Variants in INTS6 observed in about 807,000 individuals in gnomAD.
The protein encoded by INTS6 is DEAD box protein.
A neutral mutation model predicts 104.9 loss-of-function variants in INTS6; 16 were observed. The ratio of observed to expected loss-of-function variants is 0.15; its 90% CI spans 0.10 to 0.23. INTS6 has a LOEUF of 0.23. Ranked by LOEUF, INTS6 falls within the 10% of genes least tolerant of loss-of-function variation. INTS6 has a pLI of 1.00. For synonymous variants in INTS6, 324 were observed against 358.7 expected, an observed-to-expected ratio of 0.90 and a Z score of 1.09; for missense variants, 584 against 1,062.8, an observed-to-expected ratio of 0.55 and a Z score of 6.26.
At chr13:51,348,404 C>T in the INTS6 span, 1 of 1,613,276 alleles carries the variant, frequency 6.2e-7, no homozygotes, top group East Asian at 2.2e-5. Context: ...GGATGTGTTC[C>T]TGCCCAGGTG....
intron 7 of INTS6, 152 bp from the exon 8 acceptor site, chr13:51,383,893 T>C: frequency 2.0e-6 from 1 of 497,540 alleles, no homozygotes; most frequent in Non-Finnish European, 3.5e-6. Flanking sequence ...AGGAAACACT[T>C]GAAAATGTAA....
intron 4 of INTS6, among the ~76,000 whole-genome samples, chr13:51,405,910 T>C (rs550529729): frequency 1.8e-4 from 27 of 152,306 alleles, no homozygotes; most frequent in African/African-American, 6.5e-4. Context: ...GGATGACTTG[T>C]TACACAGCAG....
chr13:51,375,917 A>G, intron 13 of INTS6, 131 bp downstream of exon 13: 2 of 702,802 alleles, frequency 2.8e-6, no homozygotes, highest in Non-Finnish European at 4.2e-6. Flanking sequence ...CTTTTACTTC[A>G]TTTGTTTGAA....
chr13:51,363,548 A>G lies in INTS6; in HGVS notation c.*2204T>C, dbSNP rs1955625778. On this transcript the variant is annotated 3_prime_UTR_variant, in exon 18 of 18. Coordinates refer to ENST00000311234, the MANE Select transcript of INTS6 (RefSeq NM_012141.3). Reference sequence around the variant, plus strand: ...AACCTCAAGATTAAACTTTCCAAGAATATCATTTGTCGAGCCTTAAGTCAT... The same window carrying G: ...AACCTCAAGATTAAACTTTCCAAGAGTATCATTTGTCGAGCCTTAAGTCAT... 1 of 152,028 alleles carries G rather than the reference A, an allele frequency of 6.6e-6. No individual in the cohort carries two copies. The highest frequency in any genetic ancestry group is 2.4e-5 in the African/African-American group (1 of 41,420). 9.4% of individuals were successfully genotyped at this position (152,028 alleles called of 1,614,324 possible).
intron 10 of INTS6, 113 bp from the exon 11 acceptor site, chr13:51,379,685 A>G: frequency 1.9e-6 from 1 of 513,510 alleles, no homozygotes; most frequent in Non-Finnish European, 3.4e-6. Context: ...TCTTTTCCTC[A>G]ATAAGGAAGT....
chr13:51,368,014 T>G, intron 16 of INTS6, 116 bp from the exon 17 acceptor site: 1 of 534,602 alleles, frequency 1.9e-6, no homozygotes, highest in Non-Finnish European at 3.2e-6. Flanking sequence ...ACATTCTACA[T>G]AAAAATTTCA....
In INTS6 at chr13:51,444,252, A is replaced by ATTTTTTTT. The variant is rs57566246; in HGVS notation, c.339+6765_339+6772dup. The stretch of plus-strand genomic sequence containing the variant: ...GGCACATGCCACCACCCCCCAGCTA[A>ATTTTTTTT]TTTTTTTTTTTTTTTTTTTTTTTTT... On this transcript the variant is annotated intron_variant, in intron 3 of 17. Coordinates refer to ENST00000311234, the MANE Select transcript of INTS6 (RefSeq NM_012141.3). The ATTTTTTTT allele has an allele frequency of 1.7e-3, 90 of 54,416 alleles. 1 individual carries two copies. The highest frequency in any genetic ancestry group is 8.0e-3 in the African/African-American group (86 of 10,688). 3.4% of individuals were successfully genotyped at this position (54,416 alleles called of 1,614,324 possible). A position where few individuals can be genotyped will look rare whatever the true frequency, so the allele number is the denominator to read the frequency against.
rs531739909 is a variant in INTS6, at chr13:51,367,904, A to G, written c.2477-6T>C. 13 of 1,520,556 alleles carry G rather than the reference A, an allele frequency of 8.5e-6. No individual in the cohort carries two copies. In the African/African-American group the frequency reaches 1.0e-4, roughly 12 times the overall value. The allele number at this position is 1,520,556 out of a possible 1,614,324, so 94.2% of individuals were successfully genotyped here. A position where few individuals can be genotyped will look rare whatever the true frequency, so the allele number is the denominator to read the frequency against. ...AGTGAAGATTCTTTCATATTCTTAA[A>G]GCAAAAGAAACAAAAAGAAAAATTA... On this transcript the variant is annotated splice_polypyrimidine_tract_variant and splice_region_variant and intron_variant, in intron 16 of 17. Coordinates refer to ENST00000311234, the MANE Select transcript of INTS6 (RefSeq NM_012141.3).
downstream of INTS6, among the ~76,000 whole-genome samples, chr13:51,351,740 A>G (rs1955405193): frequency 6.6e-6 from 1 of 152,002 alleles, no homozygotes; most frequent in Non-Finnish European, 1.5e-5. Flanking sequence ...ATTTAGGTGT[A>G]TGTTTTTTTT....
downstream of INTS6, among the ~76,000 whole-genome samples, chr13:51,358,155 T>G (rs1955510113): frequency 6.6e-6 from 1 of 152,094 alleles, no homozygotes; most frequent in Non-Finnish European, 1.5e-5. Flanking sequence ...CCGGGTGCTA[T>G]GTGTTTCTCT....
intron 14 of INTS6, 28 bp downstream of exon 14, chr13:51,374,626 A>C: frequency 6.2e-7 from 1 of 1,609,924 alleles, no homozygotes. Flanking sequence ...CCATAAACAA[A>C]TTACATAATA....
At chr13:51,401,290 A>G (rs1047741747) in intron 4 of INTS6, among the ~76,000 whole-genome samples, 1 of 152,176 alleles carries the variant, frequency 6.6e-6, no homozygotes, top group African/African-American at 2.4e-5. Context: ...AGGTATGTTT[A>G]GGCTCTGAGG....
At chr13:51,405,890 C>G (rs1956554452) in intron 4 of INTS6, among the ~76,000 whole-genome samples, 1 of 152,188 alleles carries the variant, frequency 6.6e-6, no homozygotes, top group Non-Finnish European at 1.5e-5. Flanking sequence ...TTTTAAGTCA[C>G]TAAGTTTTGG....
At chr13:51,407,591 C>G (rs1043847373) in intron 4 of INTS6, among the ~76,000 whole-genome samples, 11 of 152,050 alleles carry the variant, frequency 7.2e-5, no homozygotes, top group Admixed American at 7.2e-4. Context: ...ATATAGAATA[C>G]GGTATGTCCT....
chr13:51,404,103 C>CACAG (rs1491389220), intron 4 of INTS6, among the ~76,000 whole-genome samples: 1,450 of 103,858 alleles, frequency 0.014, 40 homozygotes, highest in African/African-American at 0.037. Context: ...CACACACACA[C>CACAG]AGAGAGAGAG....
intron 11 of INTS6, among the ~76,000 whole-genome samples, chr13:51,378,960 T>C (rs117785486): frequency 0.011 from 1,733 of 152,170 alleles, 26 homozygotes; most frequent in East Asian, 0.071. Context: ...GGAGAAATAA[T>C]GTATTTCATA....
intron 4 of INTS6, among the ~76,000 whole-genome samples, chr13:51,428,147 T>C (rs1192647842): frequency 6.6e-6 from 1 of 152,136 alleles, no homozygotes; most frequent in Admixed American, 6.6e-5. Flanking sequence ...AAGAATACTT[T>C]ACAACAGAAA....
chr13:51,343,256 G>T, the INTS6 span, among the ~76,000 whole-genome samples: 1 of 152,168 alleles, frequency 6.6e-6, no homozygotes, highest in Non-Finnish European at 1.5e-5. Flanking sequence ...GTAGATAACT[G>T]CAGGGCTGTG....
At chr13:51,436,174 A>C (rs1952682873) in intron 3 of INTS6, among the ~76,000 whole-genome samples, 1 of 152,116 alleles carries the variant, frequency 6.6e-6, no homozygotes, top group Non-Finnish European at 1.5e-5. Context: ...GCCTCCATAG[A>C]AAGGAAGTAA....
Sources: gnomAD v4.1 joint callset for allele counts (sites outside exome capture counted in the v4.1 genomes callset) on GRCh38, gnomAD v4.1.1 for gene constraint, MANE v1.5 for transcripts, NCBI Gene and HGNC (gene_info 2026-07-23, HGNC 2026-07-21) for gene names.